The following TRIQK variants were observed in gnomAD, a reference collection of about 807,000 sequenced individuals.
TRIQK encodes the protein triple QxxK/R motif-containing protein.
A neutral mutation model predicts 10.8 loss-of-function variants in TRIQK; 10 were observed. The ratio of observed to expected loss-of-function variants is 0.92; its 90% CI spans 0.57 to 1.57. The LOEUF is 1.57. Among genes scored for constraint, TRIQK ranks in the 40% most tolerant of loss-of-function variants. The pLI, the probability that TRIQK is intolerant of heterozygous loss-of-function variation, is 0.00. For synonymous variants in TRIQK, 33 were observed against 33.7 expected (o/e 0.98, Z 0.07); for missense variants, 107 against 97.7 (o/e 1.09, Z -0.40).
chr8:92,892,072 T>C lies in TRIQK; in HGVS notation c.64A>G (p.Lys22Glu), dbSNP rs2130267954. 1.3e-6 allele frequency: 2 copies of C among 1,513,358 alleles called. No individual in the cohort carries two copies. Among genetic ancestry groups the C allele is most frequent in the East Asian group, 2.5e-5 (1 of 40,590 alleles). 93.7% of individuals were successfully genotyped at this position (1,513,358 alleles called of 1,614,324 possible). ...PVDQYRKQIG[K>E]QDYKKTKPIL... ...GGTTTAGTTTTTTTATAATCCTGTT[T>C]ACCTAGAAAGAAATAGTTTCAGACA... Residue 22 changes from lysine to glutamate, a missense_variant and splice_region_variant, in exon 4 of 5, where the codon AAA (lysine) becomes GAA (glutamate). By Grantham distance (56) the Lys-to-Glu change is moderately conservative (BLOSUM62 1). Coordinates refer to ENST00000521988, the MANE Select transcript of TRIQK (RefSeq NM_001171797.2).
intron 3 of TRIQK, among the ~76,000 whole-genome samples, chr8:92,915,908 TG>T (rs1455150596): frequency 2.6e-5 from 4 of 152,144 alleles, no homozygotes; most frequent in African/African-American, 9.6e-5. Flanking sequence ...GCGTACTTTT[TG>T]TGTCTTATTT....
chr8:92,884,955 C>T lies in TRIQK; in HGVS notation c.*1667G>A, dbSNP rs1432237507. 4 of 456,056 alleles carry T rather than the reference C, an allele frequency of 8.8e-6. No individual in the cohort carries two copies. The highest frequency in any genetic ancestry group is 1.8e-5 in the Non-Finnish European group (4 of 226,712). The allele number at this position is 456,056 out of a possible 1,614,324, so 28.3% of individuals were successfully genotyped here. A position where few individuals can be genotyped will look rare whatever the true frequency, so the allele number is the denominator to read the frequency against. ...GGATATTCCCTTGCCACCCACTTGA[C>T]GAACAGACATACCACATGGCATTAA... On this transcript the variant is annotated 3_prime_UTR_variant, in exon 5 of 5. Coordinates refer to ENST00000521988, the MANE Select transcript of TRIQK (RefSeq NM_001171797.2).
chr8:92,938,580 A>C (rs992482415), intron 2 of TRIQK, among the ~76,000 whole-genome samples: 2 of 152,120 alleles, frequency 1.3e-5, no homozygotes, highest in African/African-American at 4.8e-5. Context: ...TTCTTGAAAT[A>C]CTTTTTATTT....
intron 1 of TRIQK, among the ~76,000 whole-genome samples, chr8:93,014,684 A>G (rs2130765363): frequency 6.6e-6 from 1 of 152,224 alleles, no homozygotes; most frequent in Admixed American, 6.5e-5. Flanking sequence ...ACTCTTTGGA[A>G]GAACCCATTA....
At chr8:92,897,251 T>C (rs1342730740) in intron 3 of TRIQK, among the ~76,000 whole-genome samples, 8 of 152,130 alleles carry the variant, frequency 5.3e-5, no homozygotes, top group Non-Finnish European at 1.0e-4. Context: ...GATTTTGAAA[T>C]TTTGAGTCGA....
chr8:92,946,328 C>A (rs1255588261), intron 2 of TRIQK, among the ~76,000 whole-genome samples: 1 of 152,044 alleles, frequency 6.6e-6, no homozygotes, highest in Non-Finnish European at 1.5e-5. Context: ...TTTTTTCCAA[C>A]CTGGAACAGC....
Position 93,006,329 on chromosome 8 carries a change from A to G in TRIQK, c.-181+11280T>C, listed in dbSNP as rs184103718. ...GAGAGTGAGGAAAAGCTGAGTGGTG[A>G]GACAGACCACCTGGGAAAGGGGAGC... On this transcript the variant is annotated intron_variant, in intron 1 of 4. Coordinates refer to the TRIQK transcript ENST00000520686. 7.9e-5 allele frequency among the ~76,000 whole-genome samples: 12 copies of G among 152,310 alleles called. 1 individual carries two copies. The highest frequency in any genetic ancestry group is 1.6e-4 in the Non-Finnish European group (11 of 68,012).
intron 1 of TRIQK, among the ~76,000 whole-genome samples, chr8:93,017,138 AG>A (rs1813392146): frequency 6.8e-6 from 1 of 147,374 alleles, no homozygotes; most frequent in Non-Finnish European, 1.5e-5. Flanking sequence ...AGAGAGAGAG[AG>A]AGAGAGAGAG....
At chr8:92,925,767 T>A (rs189452082) in intron 2 of TRIQK, among the ~76,000 whole-genome samples, 1 of 152,312 alleles carries the variant, frequency 6.6e-6, no homozygotes, top group East Asian at 1.9e-4. Flanking sequence ...CAACTGAAAT[T>A]TCTGGTACAA....
rs550415257 is a variant in TRIQK, at chr8:92,943,244, T to C, written c.-22+11162A>G. ...ATCACTATTGTAAAAATGTCTGTTT[T>C]ACTCAAAATCATCTACAGATTCAAT... On this transcript the variant is annotated intron_variant, in intron 2 of 4. Transcript: ENST00000521988. Among the ~76,000 whole-genome samples, 17 of 152,302 alleles carry C rather than the reference T, an allele frequency of 1.1e-4. No homozygotes were observed. In the East Asian group the frequency reaches 2.9e-3, roughly 26 times the overall value.
intron 1 of TRIQK, among the ~76,000 whole-genome samples, chr8:93,000,648 A>G (rs1473570576): frequency 6.6e-6 from 1 of 152,182 alleles, no homozygotes; most frequent in Non-Finnish European, 1.5e-5. Context: ...CACAATATAA[A>G]AAGATATAAA....
intron 1 of TRIQK, among the ~76,000 whole-genome samples, chr8:93,005,604 A>T (rs1354854499): frequency 6.6e-6 from 1 of 152,170 alleles, no homozygotes. Context: ...ACAAAACTCA[A>T]CATCCCTTCA....
intron 2 of TRIQK, among the ~76,000 whole-genome samples, chr8:92,935,331 G>A (rs966860141): frequency 7.3e-5 from 11 of 151,712 alleles, no homozygotes; most frequent in Non-Finnish European, 1.3e-4. Flanking sequence ...AACAGCAAAT[G>A]TTTAGAAATT....
intron 1 of TRIQK, among the ~76,000 whole-genome samples, chr8:93,002,455 C>CG (rs1430693698): frequency 6.6e-6 from 1 of 151,834 alleles, no homozygotes; most frequent in Admixed American, 6.6e-5. Flanking sequence ...TATGAAGGAT[C>CG]GTAAGAGTCT....
chr8:92,951,463 G>C (rs1023870693), intron 2 of TRIQK, among the ~76,000 whole-genome samples: 1 of 152,066 alleles, frequency 6.6e-6, no homozygotes, highest in Non-Finnish European at 1.5e-5. Context: ...AAACCCGTGA[G>C]AGGAAATCGT....
intron 3 of TRIQK, among the ~76,000 whole-genome samples, chr8:92,908,728 A>G (rs1265701396): frequency 6.6e-6 from 1 of 152,108 alleles, no homozygotes; most frequent in East Asian, 1.9e-4. Context: ...GATACAATAG[A>G]AAAGCAGAGA....
chr8:92,953,351 C>T (rs909837377), intron 2 of TRIQK: 4 of 151,864 alleles, frequency 2.6e-5, no homozygotes, highest in East Asian at 1.9e-4. Context: ...CAGAGCAAAC[C>T]AAAATTCCTG....
intron 1 of TRIQK, among the ~76,000 whole-genome samples, chr8:93,007,090 G>A (rs1813282553): frequency 1.3e-5 from 2 of 151,926 alleles, no homozygotes; most frequent in African/African-American, 4.8e-5. Context: ...ACCTTATACA[G>A]GATATTTCCC....
At chr8:92,970,264 G>A (rs954503807), upstream of TRIQK, among the ~76,000 whole-genome samples, 1 of 152,190 alleles carries the variant, frequency 6.6e-6, no homozygotes, top group Non-Finnish European at 1.5e-5. Flanking sequence ...GCGCATGCAT[G>A]TATCTTTATA....
Sources: gnomAD v4.1 joint callset for allele counts (sites outside exome capture counted in the v4.1 genomes callset) on GRCh38, gnomAD v4.1.1 for gene constraint, MANE v1.5 for transcripts, NCBI Gene and HGNC (gene_info 2026-07-23, HGNC 2026-07-21) for gene names.